The following ZBTB7C variants were observed in gnomAD, a reference collection of about 807,000 sequenced individuals.
ZBTB7C encodes zinc finger and BTB domain containing 7C, also known as zinc finger and BTB domain-containing protein 7C.
ZBTB7C carries 8 observed loss-of-function variants against 25.7 expected under a neutral mutation model. The ratio of observed to expected loss-of-function variants is 0.31; its 90% confidence interval spans 0.18 to 0.56. The LOEUF (loss-of-function observed/expected upper bound fraction) is 0.56, where lower values mean the gene tolerates loss of function less well. ZBTB7C is among the 20% of genes least tolerant of loss of function. The probability of loss-of-function intolerance (pLI) is 0.91; values close to 1 mark genes in which losing one functional copy is unlikely to be tolerated. For missense variants in ZBTB7C, 824 were observed against 855.2 expected, an observed-to-expected ratio of 0.96 and a Z score of 0.46; for synonymous variants, 394 against 369.0, an observed-to-expected ratio of 1.07 and a Z score of -0.78.
chr18:48,054,226 C>T (rs147098562), intron 3 of ZBTB7C, among the ~76,000 whole-genome samples: 2,524 of 152,170 alleles, frequency 0.017, 24 homozygotes, highest in Non-Finnish European at 0.023. Flanking sequence ...AATCTCTTGG[C>T]GCTGTATTTG....
intron 3 of ZBTB7C, among the ~76,000 whole-genome samples, chr18:48,048,609 C>T (rs920570943): frequency 6.6e-6 from 1 of 152,198 alleles, no homozygotes; most frequent in African/African-American, 2.4e-5. Context: ...CACAAATTGC[C>T]TCCTGATATG....
At chr18:48,079,796 A>C (rs750380699) in intron 3 of ZBTB7C, among the ~76,000 whole-genome samples, 1 of 152,206 alleles carries the variant, frequency 6.6e-6, no homozygotes, top group Non-Finnish European at 1.5e-5. Context: ...AGCCTCTAGG[A>C]CCTGCTTCCT....
At chr18:48,268,734 A>T (rs960037721) in intron 2 of ZBTB7C, among the ~76,000 whole-genome samples, 14 of 99,730 alleles carry the variant, frequency 1.4e-4, no homozygotes, top group Admixed American at 7.1e-4. Context: ...CCTTGTCAAG[A>T]CATATACATG....
At chr18:48,351,569 A>G (rs1308323095) in intron 1 of ZBTB7C, among the ~76,000 whole-genome samples, 1 of 152,204 alleles carries the variant, frequency 6.6e-6, no homozygotes, top group Non-Finnish European at 1.5e-5. Context: ...TGGGTTTCCA[A>G]TGGCCCAGCT....
At chr18:48,217,709 G>A (rs1555717294) in intron 2 of ZBTB7C, among the ~76,000 whole-genome samples, 1 of 151,990 alleles carries the variant, frequency 6.6e-6, no homozygotes. Flanking sequence ...TAACCCCACT[G>A]CCCCAACTCA....
intron 3 of ZBTB7C, among the ~76,000 whole-genome samples, chr18:48,135,453 C>T (rs538440538): frequency 1.3e-5 from 2 of 152,274 alleles, no homozygotes; most frequent in East Asian, 3.9e-4. Context: ...ATGTATTTAA[C>T]CCATTTGGGC....
intron 1 of ZBTB7C, among the ~76,000 whole-genome samples, chr18:48,382,631 T>C: frequency 6.6e-6 from 1 of 152,240 alleles, no homozygotes; most frequent in East Asian, 1.9e-4. Flanking sequence ...CAAAAGAAGG[T>C]TGATGATGCA....
chr18:48,307,931 G>A lies in ZBTB7C; in HGVS notation c.-79+30243C>T, dbSNP rs142599257. Among the ~76,000 whole-genome samples the A allele has an allele frequency of 7.3e-3, 1,114 of 152,270 alleles. 8 individuals carry two copies. The highest frequency in any genetic ancestry group is 9.5e-3 in the Non-Finnish European group (644 of 68,030). On this transcript the variant is annotated intron_variant, in intron 2 of 4. Coordinates refer to ENST00000590800, the MANE Select transcript of ZBTB7C (RefSeq NM_001318841.2). Reference sequence around the variant, plus strand: ...GGTATCTCTTTATGCAATGGCTGTCGTGGAAGCCATGCATAGACTACATTT... The same window carrying A: ...GGTATCTCTTTATGCAATGGCTGTCATGGAAGCCATGCATAGACTACATTT...
intron 1 of ZBTB7C, among the ~76,000 whole-genome samples, chr18:48,373,347 C>T (rs941379979): frequency 6.6e-6 from 1 of 152,104 alleles, no homozygotes; most frequent in Non-Finnish European, 1.5e-5. Context: ...TGGCAAACTT[C>T]CTGATGCTTC....
chr18:48,110,252 A>G (rs1234329905), intron 3 of ZBTB7C, among the ~76,000 whole-genome samples: 1 of 152,094 alleles, frequency 6.6e-6, no homozygotes, highest in Non-Finnish European at 1.5e-5. Flanking sequence ...CGAGGGTGGC[A>G]CACCCTCAGT....
rs535609945 is a variant in ZBTB7C, at chr18:48,407,911, G to T, written c.-304+1315C>A. ...CTTTCAGCCCAGGACGACCTACCGA[G>T]GTGTTTCTACCTCGCTGCCCTGGAT... On this transcript the variant is annotated intron_variant, in intron 1 of 4. Transcript: ENST00000590800. 1.1e-4 allele frequency among the ~76,000 whole-genome samples: 17 copies of T among 152,176 alleles called. No individual in the cohort carries two copies. The South Asian group carries it at 3.3e-3, about 30-fold the overall frequency.
At position 48,253,065 on chromosome 18, in the gene ZBTB7C, C is replaced by G. The variant is rs568870093; in HGVS notation, c.-78-67070G>C. 6.8e-4 allele frequency among the ~76,000 whole-genome samples: 103 copies of G among 152,188 alleles called. No individual in the cohort carries two copies. The South Asian group carries it at 7.1e-3, about 10-fold the overall frequency. ...GGGAAAGAGATGTGCTTGGACTTAACAGCAGTGCAAAGGCTGCTGGAGCAG... is the reference window on the plus strand; with the variant it reads ...GGGAAAGAGATGTGCTTGGACTTAAGAGCAGTGCAAAGGCTGCTGGAGCAG... On this transcript the variant is annotated intron_variant, in intron 2 of 4. Transcript: ENST00000590800.
At chr18:48,341,305 A>T (rs533438095) in intron 1 of ZBTB7C, among the ~76,000 whole-genome samples, 1 of 152,338 alleles carries the variant, frequency 6.6e-6, no homozygotes, top group African/African-American at 2.4e-5. Context: ...TGGAACTGCC[A>T]GGGGCCTGAG....
At chr18:48,380,043 A>G (rs929238824) in intron 1 of ZBTB7C, among the ~76,000 whole-genome samples, 3 of 152,212 alleles carry the variant, frequency 2.0e-5, no homozygotes, top group African/African-American at 7.2e-5. Flanking sequence ...TATAGCACAA[A>G]GAGTAAACCT....
In ZBTB7C at chr18:48,195,702, G is replaced by A. The variant is rs114009066; in HGVS notation, c.-78-9707C>T. ...TAAATACATTGGCAAAATAATCTGA[G>A]TGTAAAAAGTCTCCCTAGATTTTTT... On this transcript the variant is annotated intron_variant, in intron 2 of 4. Coordinates refer to ENST00000590800, the MANE Select transcript of ZBTB7C (RefSeq NM_001318841.2). Among the ~76,000 whole-genome samples, 1,025 of 152,178 alleles carry A rather than the reference G, an allele frequency of 6.7e-3. 13 individuals carry two copies. The highest frequency in any genetic ancestry group is 0.021 in the African/African-American group (863 of 41,498).
intron 2 of ZBTB7C, among the ~76,000 whole-genome samples, chr18:48,210,416 T>G (rs1021121694): frequency 4.6e-5 from 7 of 152,156 alleles, no homozygotes; most frequent in Non-Finnish European, 7.3e-5. Flanking sequence ...GTCCATCAAT[T>G]GATGAATGAA....
chr18:48,326,902 T>C (rs2046233027), intron 2 of ZBTB7C, among the ~76,000 whole-genome samples: 1 of 152,186 alleles, frequency 6.6e-6, no homozygotes, highest in East Asian at 1.9e-4. Context: ...AAAATTCTAA[T>C]CCAACTAAAC....
intron 1 of ZBTB7C, among the ~76,000 whole-genome samples, chr18:48,372,917 T>G (rs532400225): frequency 6.6e-6 from 1 of 152,140 alleles, no homozygotes; most frequent in South Asian, 2.1e-4. Flanking sequence ...CCAGCTTACA[T>G]GTCTCCATGT....
At chr18:48,351,274 G>A (rs1215900377) in intron 1 of ZBTB7C, among the ~76,000 whole-genome samples, 2 of 152,100 alleles carry the variant, frequency 1.3e-5, no homozygotes, top group African/African-American at 4.8e-5. Context: ...AACCCAGGAA[G>A]CCCTTGAGGA....
Sources: allele counts gnomAD v4.1 joint callset (sites outside exome capture counted in the v4.1 genomes callset), GRCh38; gene constraint gnomAD v4.1.1; transcripts MANE v1.5; gene names NCBI Gene and HGNC (gene_info 2026-07-23, HGNC 2026-07-21).